Variants in NPY2R observed in about 807,000 individuals in gnomAD.
NPY2R encodes neuropeptide Y receptor type 2.
Under a neutral mutation model 22.3 loss-of-function variants are expected in NPY2R, and 17 were observed. The ratio of observed to expected loss-of-function variants is 0.76; its 90% CI spans 0.52 to 1.14. NPY2R has a LOEUF of 1.14. Ranked by LOEUF, NPY2R falls within the 50% of genes most tolerant of loss-of-function variation. The pLI, the probability that NPY2R is intolerant of heterozygous loss-of-function variation, is 0.00. For synonymous variants in NPY2R, 209 were observed against 183.4 expected (o/e 1.14, Z -1.13); for missense variants, 424 against 467.9 (o/e 0.91, Z 0.87).
chr4:155,201,349 A>G, the NPY2R span, among the ~76,000 whole-genome samples: 1 of 152,134 alleles, frequency 6.6e-6, no homozygotes, highest in Non-Finnish European at 1.5e-5. Context: ...AATCCATGTT[A>G]TAAGTCTAAA....
chr4:155,174,486 T>TATATATATATATATATATATA, the NPY2R span, among the ~76,000 whole-genome samples: 51 of 68,636 alleles, frequency 7.4e-4, no homozygotes, highest in African/African-American at 3.9e-3. Context: ...ATATATATAT[T>TATATATATATATATATATATA]TTTTTTTTTA....
At chr4:155,174,462 T>TTATATATATATATATATATA in the NPY2R span, among the ~76,000 whole-genome samples, 117 of 116,554 alleles carry the variant, frequency 1.0e-3, 1 homozygote, top group East Asian at 1.6e-3. Context: ...TGGCTAAGCT[T>TTATATATATATATATATATA]TATATATATA....
the NPY2R span, among the ~76,000 whole-genome samples, chr4:155,183,249 T>A: frequency 6.6e-6 from 1 of 152,192 alleles, no homozygotes; most frequent in Non-Finnish European, 1.5e-5. Flanking sequence ...CGACTCACAC[T>A]CTCTCTGTGC....
chr4:155,206,443 A>G (rs1729285817), upstream of NPY2R: 1 of 152,230 alleles, frequency 6.6e-6, no homozygotes. Flanking sequence ...TTAGACTGTG[A>G]TGCACAAAAG....
chr4:155,181,620 C>A, the NPY2R span, among the ~76,000 whole-genome samples: 1 of 152,096 alleles, frequency 6.6e-6, no homozygotes, highest in Non-Finnish European at 1.5e-5. Context: ...CCTAAGGGAG[C>A]TTTTGCCCCT....
chr4:155,210,289 T>C (rs1729377120), intron 1 of NPY2R, among the ~76,000 whole-genome samples: 1 of 151,156 alleles, frequency 6.6e-6, no homozygotes, highest in Admixed American at 6.6e-5. Flanking sequence ...TAACACTGTC[T>C]ATATTCTAAG....
At chr4:155,174,484 A>ATATT in the NPY2R span, among the ~76,000 whole-genome samples, 1,220 of 106,028 alleles carry the variant, frequency 0.012, 11 homozygotes, top group East Asian at 0.022. Flanking sequence ...ATATATATAT[A>ATATT]TTTTTTTTTT....
At chr4:155,193,904 C>G in the NPY2R span, among the ~76,000 whole-genome samples, 14 of 151,876 alleles carry the variant, frequency 9.2e-5, no homozygotes. Flanking sequence ...TTCTCAAGGT[C>G]TAGCTGGGAA....
the NPY2R span, among the ~76,000 whole-genome samples, chr4:155,186,896 G>C: frequency 1.4e-4 from 22 of 151,912 alleles, no homozygotes; most frequent in Non-Finnish European, 2.8e-4. Flanking sequence ...AATATTTCTT[G>C]GCTATCAGTT....
chr4:155,207,336 A>G (rs1729302172), upstream of NPY2R: 1 of 152,222 alleles, frequency 6.6e-6, no homozygotes, highest in African/African-American at 2.4e-5. Flanking sequence ...GCGGAATCTA[A>G]TCTTAATCTA....
intron 1 of NPY2R, among the ~76,000 whole-genome samples, chr4:155,213,406 A>C (rs924747223): frequency 6.6e-6 from 1 of 152,210 alleles, no homozygotes; most frequent in Non-Finnish European, 1.5e-5. Context: ...TTCAGGCACC[A>C]GACAAATAGT....
At chr4:155,187,459 G>C in the NPY2R span, among the ~76,000 whole-genome samples, 1 of 152,030 alleles carries the variant, frequency 6.6e-6, no homozygotes, top group East Asian at 1.9e-4. Context: ...CTCTAAGAAA[G>C]ACAAGAACCA....
rs1275474077 is a variant in NPY2R at position 155,215,593 on chromosome 4, A to G, written c.*508A>G. On this transcript the variant is annotated 3_prime_UTR_variant, in exon 2 of 2. Transcript: ENST00000329476. ...TTTGTTCATTCTCTAGACAAAATCC[A>G]TCAGGGAATGCTGCAGGAAACGATT... The G allele has an allele frequency of 4.1e-5, 8 of 195,590 alleles. No individual in the cohort carries two copies. Among genetic ancestry groups the G allele is most frequent in the Non-Finnish European group, 1.2e-5 (1 of 84,864 alleles). The allele number at this position is 195,590 out of a possible 1,614,324, so 12.1% of individuals were successfully genotyped here.
At chr4:155,181,121 C>G in the NPY2R span, among the ~76,000 whole-genome samples, 2 of 151,850 alleles carry the variant, frequency 1.3e-5, no homozygotes, top group Admixed American at 1.3e-4. Context: ...TTTCCAGGAT[C>G]AGTTATAGGG....
chr4:155,205,902 T>A (rs1246244046), upstream of NPY2R, among the ~76,000 whole-genome samples: 1 of 152,194 alleles, frequency 6.6e-6, no homozygotes, highest in Admixed American at 6.5e-5. Flanking sequence ...TTTGGATTTT[T>A]AAAAATTAAT....
At chr4:155,203,651 T>C (rs1560760808), upstream of NPY2R, among the ~76,000 whole-genome samples, 1 of 152,162 alleles carries the variant, frequency 6.6e-6, no homozygotes, top group Non-Finnish European at 1.5e-5. Flanking sequence ...AGAATCTATA[T>C]TATAACCAAA....
rs951839561 is a variant in NPY2R at position 155,212,542 on chromosome 4, G to A, written c.-48-1350G>A. ...GGTTTTTAAATGCATGATGCATGCA[G>A]GTTTGAAGAAGTAAAGGCGCCAGGA... On this transcript the variant is annotated intron_variant, in intron 1 of 1. Coordinates refer to ENST00000329476, the MANE Select transcript of NPY2R (RefSeq NM_000910.4). 4.6e-5 allele frequency among the ~76,000 whole-genome samples: 7 copies of A among 152,298 alleles called. No homozygotes were observed. In the South Asian group the frequency reaches 1.4e-3, roughly 32 times the overall value.
At chr4:155,193,672 G>C in the NPY2R span, among the ~76,000 whole-genome samples, 1 of 151,934 alleles carries the variant, frequency 6.6e-6, no homozygotes, top group African/African-American at 2.4e-5. Flanking sequence ...AGGACATTAA[G>C]AGGGATGAAT....
chr4:155,210,657 C>T (rs1353965677), intron 1 of NPY2R, among the ~76,000 whole-genome samples: 3 of 151,136 alleles, frequency 2.0e-5, no homozygotes, highest in Admixed American at 2.0e-4. Context: ...AGTGGAGGCA[C>T]ATGTGAAAAG....
Sources: allele counts gnomAD v4.1 joint callset (sites outside exome capture counted in the v4.1 genomes callset), GRCh38; gene constraint gnomAD v4.1.1; transcripts MANE v1.5; gene names NCBI Gene and HGNC (gene_info 2026-07-23, HGNC 2026-07-21).